Variants in MSTO1 observed in about 807,000 individuals in gnomAD.
MSTO1 encodes the protein misato mitochondrial distribution and morphology regulator 1, also known as protein misato homolog 1.
MSTO1 carries 24 observed loss-of-function variants against 55.7 expected under a neutral mutation model. That is an observed-to-expected ratio of 0.43 (90% CI 0.31 to 0.61). The LOEUF is 0.61. MSTO1 is among the 20% of genes least tolerant of loss of function. The pLI is 0.09. For synonymous variants in MSTO1, 162 were observed against 252.8 expected (o/e 0.64, Z 3.41); for missense variants, 363 against 625.7 (o/e 0.58, Z 4.48).
Position 155,614,129 on chromosome 1 carries a change from G to T in MSTO1, c.1569G>T (p.Leu523Phe), listed in dbSNP as rs1675131840. 1 of 1,516,124 alleles carries T rather than the reference G, an allele frequency of 6.6e-7. No individual in the cohort carries two copies. Among genetic ancestry groups the T allele is most frequent in the Non-Finnish European group, 9.0e-7 (1 of 1,114,828 alleles). 93.9% of individuals were successfully genotyped at this position (1,516,124 alleles called of 1,614,324 possible). The part of the protein sequence containing the change: ...SSSLHQTLEA[L>F]ARDLTKLDLR... ...CCCTGCACCAGACCCTGGAAGCCTT[G>T]GCCAGAGACCTCACCAAACTCGACT... The change falls in exon 14 of 14, where the codon TTG becomes TTT. Residue 523 changes from leucine (L) to phenylalanine (F), a missense_variant. Physicochemically the swap from Leu to Phe is conservative, Grantham distance 22. Coordinates refer to ENST00000245564, the MANE Select transcript of MSTO1 (RefSeq NM_018116.4).
At chr1:155,600,367 G>T in the MSTO1 span, among the ~76,000 whole-genome samples, 1 of 152,180 alleles carries the variant, frequency 6.6e-6, no homozygotes, top group Non-Finnish European at 1.5e-5. Flanking sequence ...GAGAGCACAG[G>T]GTTGGGGGTA....
the MSTO1 span, among the ~76,000 whole-genome samples, chr1:155,579,554 A>T: frequency 6.3e-4 from 96 of 152,306 alleles, no homozygotes; most frequent in African/African-American, 2.2e-3. Flanking sequence ...TGAGAGTCAA[A>T]CATAGATTTC....
chr1:155,594,223 GA>G, the MSTO1 span, among the ~76,000 whole-genome samples: 1 of 151,660 alleles, frequency 6.6e-6, no homozygotes, highest in African/African-American at 2.4e-5. Flanking sequence ...CCAACATGAT[GA>G]AACCCCGTCT....
chr1:155,569,327 G>A, the MSTO1 span, among the ~76,000 whole-genome samples: 2 of 151,372 alleles, frequency 1.3e-5, no homozygotes, highest in African/African-American at 4.9e-5. Context: ...AGTGGAGACA[G>A]GGTTTCACCA....
At chr1:155,573,530 C>T in the MSTO1 span, among the ~76,000 whole-genome samples, 1 of 151,420 alleles carries the variant, frequency 6.6e-6, no homozygotes, top group Non-Finnish European at 1.5e-5. Context: ...GAAACCCTGT[C>T]CCTACGGAAA....
chr1:155,564,414 A>G, the MSTO1 span, among the ~76,000 whole-genome samples: 5 of 152,156 alleles, frequency 3.3e-5, no homozygotes, highest in Non-Finnish European at 7.3e-5. Flanking sequence ...GAATCGCTTG[A>G]ACCTGGGAGG....
the MSTO1 span, among the ~76,000 whole-genome samples, chr1:155,583,052 G>T: frequency 6.6e-6 from 1 of 150,822 alleles, no homozygotes; most frequent in Non-Finnish European, 1.5e-5. Context: ...AAAAAAAATT[G>T]TAGAGTTGCA....
chr1:155,605,642 GT>G (rs1480696605), upstream of MSTO1, among the ~76,000 whole-genome samples: 1 of 152,086 alleles, frequency 6.6e-6, no homozygotes, highest in Non-Finnish European at 1.5e-5. Flanking sequence ...TACAAAAAAG[GT>G]TTAAAATCAT....
chr1:155,571,198 T>C, the MSTO1 span, among the ~76,000 whole-genome samples: 3 of 152,292 alleles, frequency 2.0e-5, no homozygotes, highest in African/African-American at 7.2e-5. Flanking sequence ...TACATGCCTA[T>C]AGTCCAAGCT....
chr1:155,574,855 A>AT, the MSTO1 span, among the ~76,000 whole-genome samples: 1 of 145,842 alleles, frequency 6.9e-6, no homozygotes. Context: ...CCACTATCTA[A>AT]TTTTAGAACT....
chr1:155,568,437 GTTTT>G, the MSTO1 span, among the ~76,000 whole-genome samples: 2 of 148,362 alleles, frequency 1.3e-5, no homozygotes, highest in Admixed American at 1.4e-4. Flanking sequence ...TACAGGTTGA[GTTTT>G]TTTTGTTTGT....
the MSTO1 span, chr1:155,598,842 A>C: frequency 7.1e-7 from 1 of 1,412,806 alleles, no homozygotes; most frequent in South Asian, 1.2e-5. Context: ...AGGGAACCGG[A>C]AAAACACTCG....
chr1:155,566,706 C>G, the MSTO1 span, among the ~76,000 whole-genome samples: 1 of 151,894 alleles, frequency 6.6e-6, no homozygotes, highest in Non-Finnish European at 1.5e-5. Context: ...ACCTCCGCCT[C>G]CCGGGTTCAA....
At chr1:155,610,750 C>G in intron 2 of MSTO1, 190 bp downstream of exon 2, 1 of 540,548 alleles carries the variant, frequency 1.8e-6, no homozygotes, top group East Asian at 3.1e-5. Flanking sequence ...GAATAGGCTG[C>G]TAGGCCCTGG....
At chr1:155,606,542 G>A (rs991799039), upstream of MSTO1, among the ~76,000 whole-genome samples, 25 of 151,364 alleles carry the variant, frequency 1.7e-4, no homozygotes, top group Admixed American at 2.6e-4. Flanking sequence ...CCACAGGCGC[G>A]TGCCACCACT....
chr1:155,601,841 G>A, the MSTO1 span, among the ~76,000 whole-genome samples: 1 of 151,900 alleles, frequency 6.6e-6, no homozygotes, highest in East Asian at 1.9e-4. Context: ...TGCAAGCTCC[G>A]CCTCCCGGGT....
the MSTO1 span, among the ~76,000 whole-genome samples, chr1:155,583,430 C>T: frequency 2.0e-5 from 3 of 151,768 alleles, no homozygotes; most frequent in Non-Finnish European, 4.4e-5. Flanking sequence ...CCCAGCTGCT[C>T]AGGAGGCTGA....
chr1:155,567,762 G>C, the MSTO1 span, among the ~76,000 whole-genome samples: 3 of 151,556 alleles, frequency 2.0e-5, no homozygotes, highest in Non-Finnish European at 4.4e-5. Context: ...TTGGCTGGGC[G>C]TGGTGGCTCA....
At chr1:155,569,521 T>G in the MSTO1 span, among the ~76,000 whole-genome samples, 1 of 129,492 alleles carries the variant, frequency 7.7e-6, no homozygotes, top group Non-Finnish European at 1.6e-5. Context: ...CACTGCAACC[T>G]CCCCCTCCCG....
Sources: gnomAD v4.1 joint callset for allele counts (sites outside exome capture counted in the v4.1 genomes callset) on GRCh38, gnomAD v4.1.1 for gene constraint, MANE v1.5 for transcripts, NCBI Gene and HGNC (gene_info 2026-07-23, HGNC 2026-07-21) for gene names.